BCL2L14: variants seen among roughly 807,000 people sequenced by gnomAD.
BCL2L14 encodes the protein apoptosis facilitator Bcl-2-like protein 14.
BCL2L14 carries 27 observed loss-of-function variants against 35.3 expected under a neutral mutation model. The ratio of observed to expected loss-of-function variants is 0.76; its 90% CI spans 0.56 to 1.05. The LOEUF is 1.05. Ranked by LOEUF, BCL2L14 falls within the 50% of genes least tolerant of loss-of-function variation. The pLI is 0.00. For missense variants in BCL2L14, 377 were observed against 382.6 expected, an observed-to-expected ratio of 0.99 and a Z score of 0.12; for synonymous variants, 139 against 145.9, an observed-to-expected ratio of 0.95 and a Z score of 0.34.
chr12:12,051,053 C>CT (rs34513627), intron 1 of BCL2L14, among the ~76,000 whole-genome samples: 58,793 of 151,888 alleles, frequency 0.39, 11,847 homozygotes, highest in East Asian at 0.75. Context: ...ACCTCAAATG[C>CT]TTTTAGATGA....
Position 12,051,320 on chromosome 12 carries a change from C to T in BCL2L14, c.-323-476C>T, listed in dbSNP as rs11054640. 5.5e-3 allele frequency among the ~76,000 whole-genome samples: 835 copies of T among 152,290 alleles called. 4 individuals carry two copies. Among genetic ancestry groups the T allele is most frequent in the Middle Eastern group, 0.027 (8 of 294 alleles). ...CTGTTTGCACATCAGGTACCCCATG[C>T]GTCTGCTGTAGTCTGTAGCTACATG... On this transcript the variant is annotated intron_variant, in intron 1 of 3. Transcript: ENST00000461264.
chr12:12,070,301 G>A (rs1399000315), upstream of BCL2L14, among the ~76,000 whole-genome samples: 1 of 152,192 alleles, frequency 6.6e-6, no homozygotes, highest in Admixed American at 6.5e-5. Flanking sequence ...AACTGATAGG[G>A]ATCCGTAGCA....
intron 2 of BCL2L14, among the ~76,000 whole-genome samples, chr12:12,054,243 C>T (rs1304161975): frequency 6.6e-6 from 1 of 152,148 alleles, no homozygotes; most frequent in Non-Finnish European, 1.5e-5. Flanking sequence ...TAGCTCATGC[C>T]TGTAATCCCA....
chr12:12,065,822 C>T (rs1256819906), intron 2 of BCL2L14, among the ~76,000 whole-genome samples: 23 of 150,292 alleles, frequency 1.5e-4, no homozygotes, highest in Non-Finnish European at 2.8e-4. Flanking sequence ...GGCGAAGTCT[C>T]GCTCTGTTGC....
intron 2 of BCL2L14, among the ~76,000 whole-genome samples, chr12:12,084,000 A>T (rs1379623131): frequency 1.3e-5 from 2 of 152,130 alleles, no homozygotes; most frequent in African/African-American, 4.8e-5. Context: ...AAGTCACCTT[A>T]TATTCTAAAG....
intron 2 of BCL2L14, among the ~76,000 whole-genome samples, chr12:12,053,192 T>A (rs1165535246): frequency 6.6e-6 from 1 of 152,226 alleles, no homozygotes; most frequent in African/African-American, 2.4e-5. Context: ...GTGAGATAGA[T>A]AGAATTTTTA....
At chr12:12,072,790 AAAGT>A (rs1185933138) in intron 1 of BCL2L14, among the ~76,000 whole-genome samples, 2 of 152,240 alleles carry the variant, frequency 1.3e-5, no homozygotes, top group African/African-American at 4.8e-5. Context: ...CTGCTGCTTG[AAAGT>A]AAGACTTAGC....
chr12:12,069,943 C>T (rs1024869655), upstream of BCL2L14, among the ~76,000 whole-genome samples: 1 of 152,130 alleles, frequency 6.6e-6, no homozygotes, highest in Non-Finnish European at 1.5e-5. Context: ...ACGAAAATAG[C>T]ATTAATTCCC....
chr12:12,084,908 C>T (rs1949009117), intron 2 of BCL2L14, among the ~76,000 whole-genome samples: 1 of 151,806 alleles, frequency 6.6e-6, no homozygotes, highest in Non-Finnish European at 1.5e-5. Flanking sequence ...CCTGTCTCTA[C>T]TGAAAATATA....
At chr12:12,090,874 G>A (rs776920835) in intron 4 of BCL2L14, 25 bp downstream of exon 4, 37 of 1,577,638 alleles carry the variant, frequency 2.3e-5, no homozygotes, top group African/African-American at 4.1e-5. Context: ...GAACTGATGC[G>A]ATTGATTTCT....
chr12:12,070,372 G>A (rs1164711366), upstream of BCL2L14, among the ~76,000 whole-genome samples: 1 of 152,180 alleles, frequency 6.6e-6, no homozygotes, highest in Non-Finnish European at 1.5e-5. Flanking sequence ...CGTAACGCCT[G>A]CCTCTCAATG....
At chr12:12,080,072 G>A (rs1254298027) in intron 2 of BCL2L14, among the ~76,000 whole-genome samples, 1 of 152,100 alleles carries the variant, frequency 6.6e-6, no homozygotes, top group Non-Finnish European at 1.5e-5. Flanking sequence ...GGGCGTGTTG[G>A]CGGGTGCCTG....
At chr12:12,097,372 A>C (rs1949338210) in intron 5 of BCL2L14, among the ~76,000 whole-genome samples, 1 of 152,212 alleles carries the variant, frequency 6.6e-6, no homozygotes, top group Admixed American at 6.5e-5. Context: ...TATAAAAATA[A>C]AGCAAGTATT....
At chr12:12,068,703 C>A (rs934608912), upstream of BCL2L14, among the ~76,000 whole-genome samples, 3 of 151,952 alleles carry the variant, frequency 2.0e-5, no homozygotes, top group East Asian at 5.8e-4. Context: ...ACTATCACAG[C>A]GTGAATCCCA....
At chr12:12,076,525 G>A (rs74064610) in intron 1 of BCL2L14, among the ~76,000 whole-genome samples, 1,615 of 152,192 alleles carry the variant, frequency 0.011, 30 homozygotes, top group African/African-American at 0.037. Context: ...GGAGGTTTGC[G>A]GGGCTTGGAA....
chr12:12,090,162 C>T (rs1015244293), intron 3 of BCL2L14, among the ~76,000 whole-genome samples: 9 of 152,136 alleles, frequency 5.9e-5, no homozygotes, highest in Admixed American at 1.3e-4. Context: ...GCTGTGAAAC[C>T]GATGTCTTCA....
At chr12:12,054,647 A>G (rs1948404501) in intron 2 of BCL2L14, 1 of 152,018 alleles carries the variant, frequency 6.6e-6, no homozygotes, top group African/African-American at 2.4e-5. Flanking sequence ...TATCTAAGTC[A>G]ATCATGAAAA....
At chr12:12,087,005 A>C (rs1185771747) in intron 2 of BCL2L14, among the ~76,000 whole-genome samples, 1 of 152,120 alleles carries the variant, frequency 6.6e-6, no homozygotes, top group Non-Finnish European at 1.5e-5. Context: ...CAAGGTGACA[A>C]TCATTCCTGC....
In BCL2L14 at chr12:12,098,999, T is replaced by A. The variant is rs1412609717; in HGVS notation, c.*11T>A. 6.3e-7 allele frequency: 1 copy of A among 1,593,038 alleles called. No individual in the cohort carries two copies. ...GAAGAAGTAGACTGAAATATCAGAT[T>A]TGTCATCAGGAATACTCTTTGTCTA... On this transcript the variant is annotated 3_prime_UTR_variant, in exon 6 of 6. Coordinates refer to ENST00000308721, the MANE Select transcript of BCL2L14 (RefSeq NM_138723.2).
Sources: allele counts gnomAD v4.1 joint callset (sites outside exome capture counted in the v4.1 genomes callset), GRCh38; gene constraint gnomAD v4.1.1; transcripts MANE v1.5; gene names NCBI Gene and HGNC (gene_info 2026-07-23, HGNC 2026-07-21).